RALYL: variants seen among roughly 807,000 people sequenced by gnomAD.
The protein encoded by RALYL is RNA-binding Raly-like protein.
In RALYL, 29 loss-of-function variants were observed where a neutral mutation model predicts 35.1. That is an observed-to-expected ratio of 0.83 (90% CI 0.61 to 1.13). RALYL has a LOEUF of 1.13. Among genes scored for constraint, RALYL ranks in the 50% most tolerant of loss-of-function variants. RALYL has a pLI of 0.00. For missense variants in RALYL, 359 were observed against 360.4 expected (o/e 1.00, Z 0.03); for synonymous variants, 120 against 127.6 (o/e 0.94, Z 0.40).
chr8:84,680,676 G>A (rs750958102), intron 2 of RALYL, among the ~76,000 whole-genome samples: 11 of 152,016 alleles, frequency 7.2e-5, no homozygotes, highest in Non-Finnish European at 1.3e-4. Flanking sequence ...CATATCCTTC[G>A]CCCACTTGTT....
chr8:84,641,788 T>TAAAAA (rs59556525), intron 2 of RALYL, among the ~76,000 whole-genome samples: 12 of 119,220 alleles, frequency 1.0e-4, no homozygotes, highest in Middle Eastern at 5.0e-3. Context: ...GTCTTATTTG[T>TAAAAA]AAAAAAAAAA....
At chr8:84,581,374 A>C (rs577496807) in intron 2 of RALYL, among the ~76,000 whole-genome samples, 1 of 152,164 alleles carries the variant, frequency 6.6e-6, no homozygotes, top group South Asian at 2.1e-4. Context: ...TCTCCTGACT[A>C]TATCTATTGT....
At chr8:84,227,678 C>G (rs1358975933) in intron 1 of RALYL, among the ~76,000 whole-genome samples, 1 of 151,978 alleles carries the variant, frequency 6.6e-6, no homozygotes, top group Non-Finnish European at 1.5e-5. Flanking sequence ...GGTATTTTTT[C>G]TTTATCCACA....
intron 1 of RALYL, among the ~76,000 whole-genome samples, chr8:84,414,485 T>C (rs1325740653): frequency 6.6e-6 from 1 of 152,184 alleles, no homozygotes; most frequent in African/African-American, 2.4e-5. Context: ...AGTAAATATT[T>C]TAACTGGTGT....
rs376378537 is a variant in RALYL, at chr8:84,873,359, G to A, written c.647G>A (p.Arg216His). 1.2e-4 allele frequency: 187 copies of A among 1,600,554 alleles called. No homozygotes were observed. The highest frequency in any genetic ancestry group is 1.5e-4 in the Non-Finnish European group (178 of 1,173,330). ...IKTKIDSLLGRLEKIEKQQKA... is the reference protein window; with the variant it reads ...IKTKIDSLLGHLEKIEKQQKA... ...ACTAAAATTGACTCCTTGCTAGGGCGCCTGGAGAAGATTGAGAAACAGCAG... is the reference window on the plus strand; with the variant it reads ...ACTAAAATTGACTCCTTGCTAGGGCACCTGGAGAAGATTGAGAAACAGCAG... The change falls in exon 7 of 9, where the codon CGC becomes CAC. Residue 216 changes from arginine (R) to histidine (H), a missense_variant. By Grantham distance (29) the Arg-to-His change is conservative. Transcript: ENST00000521268.
intron 1 of RALYL, among the ~76,000 whole-genome samples, chr8:84,207,235 A>G (rs554673147): frequency 9.2e-5 from 14 of 152,272 alleles, no homozygotes; most frequent in African/African-American, 3.4e-4. Context: ...AGCATTATTT[A>G]CAATAGCCAA....
chr8:84,683,510 A>G lies in RALYL; in HGVS notation c.257-91069A>G, dbSNP rs1359241041. Among the ~76,000 whole-genome samples the G allele has an allele frequency of 2.0e-5, 3 of 152,280 alleles. No homozygotes were observed. In the East Asian group the frequency reaches 5.8e-4, roughly 29 times the overall value. ...TTGTAGGTCTCTAAGGATTTGCTTT[A>G]TGAATCTGGGTGCTCCTGTATTGGG... On this transcript the variant is annotated intron_variant, in intron 2 of 8. Transcript: ENST00000521268.
rs141813258 is a variant in RALYL, at chr8:84,657,872, G to A, written c.257-116707G>A. Reference sequence around the variant, plus strand: ...GGAGGATTTCAGGAGATAGTTCACCGTTTGATATAGATTGCTGTCCTTTTA... The same window carrying A: ...GGAGGATTTCAGGAGATAGTTCACCATTTGATATAGATTGCTGTCCTTTTA... On this transcript the variant is annotated intron_variant, in intron 2 of 8. Transcript: ENST00000521268. Among the ~76,000 whole-genome samples the A allele has an allele frequency of 4.1e-3, 622 of 152,216 alleles. 6 individuals carry two copies. The highest frequency in any genetic ancestry group is 0.013 in the African/African-American group (559 of 41,556).
chr8:84,914,223 T>C (rs979822466), intron 8 of RALYL, among the ~76,000 whole-genome samples: 1 of 152,072 alleles, frequency 6.6e-6, no homozygotes, highest in Non-Finnish European at 1.5e-5. Flanking sequence ...AAGTTCATAA[T>C]CTTAGCATTA....
rs186315800 is a variant in RALYL, at chr8:84,881,982, G to C, written c.686-5622G>C. Among the ~76,000 whole-genome samples the C allele has an allele frequency of 2.3e-3, 356 of 151,962 alleles. 3 individuals are homozygous for C. Among genetic ancestry groups the C allele is most frequent in the African/African-American group, 8.2e-3 (339 of 41,496 alleles). ...ACTGTGTGACCATGAGCACTTATTT[G>C]TGCCTCAGTTTCCCCATGTGTAAAA... On this transcript the variant is annotated intron_variant, in intron 7 of 8. Coordinates refer to ENST00000521268, the MANE Select transcript of RALYL (RefSeq NM_173848.7).
chr8:84,379,765 A>G (rs1001228919), intron 1 of RALYL, among the ~76,000 whole-genome samples: 5 of 151,782 alleles, frequency 3.3e-5, no homozygotes, highest in Non-Finnish European at 5.9e-5. Flanking sequence ...AGGCCAAAAT[A>G]TAAATGCGGG....
At chr8:84,481,138 T>G (rs1329531032) in intron 1 of RALYL, among the ~76,000 whole-genome samples, 1 of 152,140 alleles carries the variant, frequency 6.6e-6, no homozygotes, top group African/African-American at 2.4e-5. Context: ...AGAATTAGGA[T>G]CTGAGAACAG....
chr8:84,541,895 A>G (rs1201326659), intron 2 of RALYL, among the ~76,000 whole-genome samples: 1 of 152,014 alleles, frequency 6.6e-6, no homozygotes, highest in Non-Finnish European at 1.5e-5. Context: ...TTGTGTTTGT[A>G]TGGTATATCA....
At chr8:84,842,391 A>C (rs1833623485) in intron 4 of RALYL, among the ~76,000 whole-genome samples, 1 of 152,214 alleles carries the variant, frequency 6.6e-6, no homozygotes, top group South Asian at 2.1e-4. Context: ...ATTCCTCGAC[A>C]CATACACCCT....
At chr8:84,328,033 G>A (rs976834090) in intron 1 of RALYL, among the ~76,000 whole-genome samples, 1 of 152,156 alleles carries the variant, frequency 6.6e-6, no homozygotes, top group Non-Finnish European at 1.5e-5. Context: ...AAGCATGGAT[G>A]GGCTTTGCCT....
At chr8:84,386,363 T>G (rs1859197266) in intron 1 of RALYL, among the ~76,000 whole-genome samples, 2 of 151,886 alleles carry the variant, frequency 1.3e-5, no homozygotes, top group Non-Finnish European at 2.9e-5. Context: ...TTTAATTTAC[T>G]TGTTACATAA....
chr8:84,355,208 C>A (rs73688487), intron 1 of RALYL, among the ~76,000 whole-genome samples: 1,980 of 150,352 alleles, frequency 0.013, 184 homozygotes, highest in African/African-American at 0.046. Flanking sequence ...TCTATCACTG[C>A]AAATTCAGTA....
chr8:84,188,101 T>A lies in RALYL; in HGVS notation c.-24+3677T>A, dbSNP rs866159914. On this transcript the variant is annotated intron_variant, in intron 1 of 8. Coordinates refer to ENST00000521268, the MANE Select transcript of RALYL (RefSeq NM_173848.7). Reference sequence around the variant, plus strand: ...TTTATTTTTATTTTAGTTGTTTATTTTTATTTTTTCTTTCCAACTTTTAGT... The same window carrying A: ...TTTATTTTTATTTTAGTTGTTTATTATTATTTTTTCTTTCCAACTTTTAGT... 7.9e-5 allele frequency among the ~76,000 whole-genome samples: 12 copies of A among 152,186 alleles called. No homozygotes were observed. The South Asian group carries it at 2.5e-3, about 32-fold the overall frequency.
At chr8:84,524,124 T>C (rs1016901368) in intron 1 of RALYL, among the ~76,000 whole-genome samples, 1 of 152,112 alleles carries the variant, frequency 6.6e-6, no homozygotes, top group Admixed American at 6.5e-5. Flanking sequence ...TAGTTTACAG[T>C]CCCACCAACA....
Sources: allele counts gnomAD v4.1 joint callset (sites outside exome capture counted in the v4.1 genomes callset), GRCh38; gene constraint gnomAD v4.1.1; transcripts MANE v1.5; gene names NCBI Gene and HGNC (gene_info 2026-07-23, HGNC 2026-07-21).